MS4A8: variants seen among roughly 807,000 people sequenced by gnomAD.
MS4A8 encodes membrane-spanning 4-domains subfamily A member 8.
In MS4A8, 27 loss-of-function variants were observed where a neutral mutation model predicts 23.7. That is an observed-to-expected ratio of 1.14 (90% CI 0.84 to 1.57). The LOEUF (loss-of-function observed/expected upper bound fraction) is 1.57. Ranked by LOEUF, MS4A8 falls within the 40% of genes most tolerant of loss-of-function variation. The probability of loss-of-function intolerance (pLI) is 0.00; values close to 1 mark genes in which losing one functional copy is unlikely to be tolerated. For missense variants in MS4A8, 301 were observed against 311.4 expected, an observed-to-expected ratio of 0.97 and a Z score of 0.25; for synonymous variants, 138 against 126.3, an observed-to-expected ratio of 1.09 and a Z score of -0.62.
Position 60,706,389 on chromosome 11 carries a change from G to A in MS4A8, c.343-599G>A, listed in dbSNP as rs148475259. The stretch of plus-strand genomic sequence containing the variant: ...CGTATTTGATGTTCAGCATCATAGC[G>A]ACACAATGTTTATCTGAGTAACTAA... On this transcript the variant is annotated intron_variant, in intron 3 of 6. Coordinates refer to ENST00000300226, the MANE Select transcript of MS4A8 (RefSeq NM_031457.2). Among the ~76,000 whole-genome samples, 23 of 152,248 alleles carry A rather than the reference G, an allele frequency of 1.5e-4. No individual in the cohort carries two copies. In the East Asian group the frequency reaches 2.9e-3, roughly 19 times the overall value.
chr11:60,706,764 T>A (rs557772901), intron 3 of MS4A8, among the ~76,000 whole-genome samples: 1 of 152,140 alleles, frequency 6.6e-6, no homozygotes, highest in South Asian at 2.1e-4. Context: ...AGGTCAAGAG[T>A]TTCTAGCCAG....
intron 3 of MS4A8, among the ~76,000 whole-genome samples, chr11:60,706,619 C>G (rs2088258209): frequency 6.6e-6 from 1 of 152,124 alleles, no homozygotes; most frequent in Non-Finnish European, 1.5e-5. Context: ...TGAGCATCTA[C>G]TAAGTGTAAA....
intron 5 of MS4A8, among the ~76,000 whole-genome samples, chr11:60,711,424 C>A (rs2088299391): frequency 6.6e-6 from 1 of 152,212 alleles, no homozygotes; most frequent in African/African-American, 2.4e-5. Flanking sequence ...CCTTGAGTTT[C>A]TCCCCTCCCA....
chr11:60,704,213 C>T lies in MS4A8; in HGVS notation c.342+713C>T, dbSNP rs190181238. On this transcript the variant is annotated intron_variant, in intron 3 of 6. Transcript: ENST00000300226. ...TCGGCTCACCGCAACCTCCCCCTCC[C>T]GGATTCAAGCAATTCTCCTGCCTCA... Among the ~76,000 whole-genome samples the T allele has an allele frequency of 2.0e-3, 307 of 151,320 alleles. 1 individual carries two copies. The highest frequency in any genetic ancestry group is 6.9e-3 in the African/African-American group (285 of 41,152).
chr11:60,707,818 T>C (rs865906142), intron 4 of MS4A8, among the ~76,000 whole-genome samples: 5 of 124,084 alleles, frequency 4.0e-5, no homozygotes, highest in South Asian at 2.6e-4. Context: ...TTTTCTTTTT[T>C]TTTTTTTTTT....
At chr11:60,714,404 CA>C (rs2088325322) in intron 5 of MS4A8, among the ~76,000 whole-genome samples, 1 of 152,146 alleles carries the variant, frequency 6.6e-6, no homozygotes, top group African/African-American at 2.4e-5. Context: ...TAGTACAGAA[CA>C]AAATGGAGTC....
chr11:60,707,295 C>T (rs557797762), intron 4 of MS4A8, among the ~76,000 whole-genome samples: 16 of 151,532 alleles, frequency 1.1e-4, no homozygotes, highest in Non-Finnish European at 2.2e-4. Context: ...GTTAAGGCAT[C>T]AGAGTATGGA....
chr11:60,704,901 C>G (rs2088242818), intron 3 of MS4A8, among the ~76,000 whole-genome samples: 1 of 151,740 alleles, frequency 6.6e-6, no homozygotes. Context: ...CACACTCTCT[C>G]TCTCTCTCCT....
rs930544084 is a variant in MS4A8, at chr11:60,707,056, C to T, written c.402+9C>T. 1.2e-6 allele frequency: 2 copies of T among 1,611,538 alleles called. No homozygotes were observed. The highest frequency in any genetic ancestry group is 1.7e-6 in the Non-Finnish European group (2 of 1,177,754). ...CATATTCTTATTGCCTGGTAAGTTACATTCTGAGACCAGCTCTTCCAACTG... is the reference window on the plus strand; with the variant it reads ...CATATTCTTATTGCCTGGTAAGTTATATTCTGAGACCAGCTCTTCCAACTG... On this transcript the variant is annotated intron_variant, in intron 4 of 6. Transcript: ENST00000300226.
chr11:60,703,434 G>A lies in MS4A8; in HGVS notation c.276G>A (p.Thr92=), dbSNP rs758411723. ...TCGGCCTCGGCTCCATCATGGCGAC[G>A]GTTCTCGTAGGGGAATACCTGTCTA... is the stretch of plus-strand genomic sequence containing the variant. ...AHIGLGSIMA[T]VLVGEYLSIS... is the part of the protein sequence containing the mutation. The change falls in exon 3 of 7, where the codon ACG becomes ACA. Residue 92 remains threonine, a synonymous_variant. Transcript: ENST00000300226. The A allele has an allele frequency of 4.7e-5, 76 of 1,605,408 alleles. No individual in the cohort carries two copies. The highest frequency in any genetic ancestry group is 4.5e-4 in the South Asian group (40 of 89,468).
chr11:60,709,189 T>G (rs980386991), intron 5 of MS4A8: 1 of 232,206 alleles, frequency 4.3e-6, no homozygotes, highest in African/African-American at 2.3e-5. Context: ...CATGTAGCTA[T>G]AGCTGCCTTA....
intron 5 of MS4A8, 52 bp from the exon 6 acceptor site, chr11:60,714,969 G>A (rs2088330214): frequency 1.5e-6 from 2 of 1,324,684 alleles, no homozygotes; most frequent in Non-Finnish European, 2.2e-6. Flanking sequence ...TGAGAGGTCA[G>A]TTCGGACTCC....
intron 3 of MS4A8, among the ~76,000 whole-genome samples, chr11:60,705,558 A>G (rs1413552975): frequency 6.6e-6 from 1 of 152,256 alleles, no homozygotes; most frequent in Non-Finnish European, 1.5e-5. Context: ...CTGGCACCTC[A>G]GAAGGACTGA....
chr11:60,713,015 A>G (rs764447833), intron 5 of MS4A8, among the ~76,000 whole-genome samples: 28 of 152,040 alleles, frequency 1.8e-4, no homozygotes, highest in Non-Finnish European at 3.5e-4. Flanking sequence ...GAGGGTTTCT[A>G]TTTCTCCCGG....
intron 5 of MS4A8, chr11:60,712,460 G>A: frequency 1.0e-6 from 1 of 985,298 alleles, no homozygotes. Context: ...AATTCTCCAA[G>A]CATCTGGCTG....
chr11:60,710,135 A>G (rs1010485261), intron 5 of MS4A8, among the ~76,000 whole-genome samples: 3 of 151,444 alleles, frequency 2.0e-5, no homozygotes, highest in African/African-American at 7.3e-5. Flanking sequence ...TGTTTTTCCC[A>G]ATCTCTTAGG....
chr11:60,706,923 C>A, intron 3 of MS4A8, 65 bp from the exon 4 acceptor site: 1 of 1,399,596 alleles, frequency 7.1e-7, no homozygotes, highest in Non-Finnish European at 1.0e-6. Flanking sequence ...ACCAGAATCA[C>A]AGAAGCCTGG....
intron 5 of MS4A8, chr11:60,711,905 C>A: frequency 6.6e-6 from 3 of 455,550 alleles, no homozygotes; most frequent in Non-Finnish European, 1.3e-5. Context: ...CCTCAGTCAT[C>A]CCATCTGAAC....
intron 3 of MS4A8, among the ~76,000 whole-genome samples, chr11:60,705,732 T>C (rs1345878128): frequency 6.6e-6 from 1 of 152,222 alleles, no homozygotes; most frequent in Non-Finnish European, 1.5e-5. Context: ...GTCCACTCTA[T>C]GGCACATGCA....
Sources: gnomAD v4.1 joint callset for allele counts (sites outside exome capture counted in the v4.1 genomes callset) on GRCh38, gnomAD v4.1.1 for gene constraint, MANE v1.5 for transcripts, NCBI Gene and HGNC (gene_info 2026-07-23, HGNC 2026-07-21) for gene names.